PLBD1: variants seen among roughly 807,000 people sequenced by gnomAD.
The protein encoded by PLBD1 is lysosomal leucine aminopeptidase.
PLBD1 carries 60 observed loss-of-function variants against 63.0 expected under a neutral mutation model. That is an observed-to-expected ratio of 0.95 (90% confidence interval 0.77 to 1.18). The LOEUF is 1.18. Ranked by LOEUF, PLBD1 falls within the 50% of genes most tolerant of loss-of-function variation. The pLI is 0.00. For synonymous variants in PLBD1, 262 were observed against 248.0 expected, an observed-to-expected ratio of 1.06 and a Z score of -0.53; for missense variants, 598 against 677.9, an observed-to-expected ratio of 0.88 and a Z score of 1.31.
intron 4 of PLBD1, among the ~76,000 whole-genome samples, chr12:14,539,994 T>C (rs1334483417): frequency 2.6e-5 from 3 of 113,422 alleles, no homozygotes; most frequent in Non-Finnish European, 5.3e-5. Flanking sequence ...AGACAAAAAG[T>C]TCAAAGAAAA....
At chr12:14,510,693 T>A (rs1945291208) in intron 8 of PLBD1, among the ~76,000 whole-genome samples, 1 of 152,208 alleles carries the variant, frequency 6.6e-6, no homozygotes, top group South Asian at 2.1e-4. Flanking sequence ...ATCAAGGCAG[T>A]GAGCCTCCTG....
chr12:14,511,174 C>A, intron 8 of PLBD1, 86 bp downstream of exon 8: 2 of 1,219,848 alleles, frequency 1.6e-6, no homozygotes, highest in Admixed American at 2.4e-5. Context: ...TCCCCCACCA[C>A]ACATTCACAC....
chr12:14,567,697 C>G lies in PLBD1; in HGVS notation c.-1G>C. On this transcript the variant is annotated 5_prime_UTR_variant, in exon 1 of 11. Coordinates refer to ENST00000240617, the MANE Select transcript of PLBD1 (RefSeq NM_024829.6). ...GCCCGCCCGGACCGCCGCGGGTCATCGCTCCACGGCCGCGACCTTCCTCTG... is the reference window on the plus strand; with the variant it reads ...GCCCGCCCGGACCGCCGCGGGTCATGGCTCCACGGCCGCGACCTTCCTCTG... 1 of 1,436,958 alleles carries G rather than the reference C, an allele frequency of 7.0e-7. No individual in the cohort carries two copies. Among genetic ancestry groups the G allele is most frequent in the Non-Finnish European group, 9.0e-7 (1 of 1,108,528 alleles). The allele number at this position is 1,436,958 out of a possible 1,614,324, so 89.0% of individuals were successfully genotyped here.
rs1344617342 is a variant in PLBD1, at chr12:14,567,874, T to G, written c.-178A>C. 2.3e-6 allele frequency: 2 copies of G among 865,668 alleles called. No homozygotes were observed. Among genetic ancestry groups the G allele is most frequent in the Admixed American group, 4.3e-5 (1 of 23,404 alleles). The allele number at this position is 865,668 out of a possible 1,614,324, so 53.6% of individuals were successfully genotyped here. A position where few individuals can be genotyped will look rare whatever the true frequency, so the allele number is the denominator to read the frequency against. On this transcript the variant is annotated 5_prime_UTR_variant, in exon 1 of 11. Coordinates refer to ENST00000240617, the MANE Select transcript of PLBD1 (RefSeq NM_024829.6). ...TCCGGGCTCTGAGGGGCGAGGACGC[T>G]TCACGTGGTGGCCTGGGGCCCACCC...
In PLBD1 at chr12:14,567,616, C is replaced by T; in HGVS notation, c.81G>A (p.Leu27=). The change falls in exon 1 of 11, where the codon CTG becomes CTA. Residue 27 remains leucine (L), a synonymous_variant. Transcript: ENST00000240617. ...PLLLLLLLLP[L]LLVTAEPPKP... is the part of the protein sequence containing the mutation. ...TCGGCGGCTCCGCGGTGACTAACAA[C>T]AGCGGCAGCAGCAGCAGCAGCAGCA... The T allele has an allele frequency of 1.4e-6, 2 of 1,442,874 alleles. No individual in the cohort carries two copies. The highest frequency in any genetic ancestry group is 1.8e-6 in the Non-Finnish European group (2 of 1,106,182). The allele number at this position is 1,442,874 out of a possible 1,614,324, so 89.4% of individuals were successfully genotyped here.
At chr12:14,547,695 T>G (rs934063883) in intron 2 of PLBD1, among the ~76,000 whole-genome samples, 3 of 148,946 alleles carry the variant, frequency 2.0e-5, no homozygotes, top group Non-Finnish European at 4.4e-5. Context: ...CAAAAAGACA[T>G]GTGCACACCC....
intron 1 of PLBD1, among the ~76,000 whole-genome samples, chr12:14,562,495 T>C (rs1190149583): frequency 3.4e-5 from 5 of 147,576 alleles, no homozygotes; most frequent in East Asian, 2.0e-4. Flanking sequence ...TAACTGAACA[T>C]GATTATGTTA....
intron 1 of PLBD1, chr12:14,553,699 G>A (rs1945678734): frequency 4.2e-6 from 2 of 479,122 alleles, no homozygotes; most frequent in Non-Finnish European, 7.6e-6. Flanking sequence ...TGGGAATCTG[G>A]GCAGGGCTGG....
At chr12:14,542,775 C>T (rs936846135) in intron 2 of PLBD1, among the ~76,000 whole-genome samples, 2 of 152,146 alleles carry the variant, frequency 1.3e-5, no homozygotes, top group Non-Finnish European at 2.9e-5. Context: ...TGGCTGGGCA[C>T]GGTGGCTCAT....
At chr12:14,510,582 G>T (rs375990122) in intron 8 of PLBD1, among the ~76,000 whole-genome samples, 4 of 152,262 alleles carry the variant, frequency 2.6e-5, no homozygotes, top group South Asian at 2.1e-4. Flanking sequence ...TTACAAATAC[G>T]TGGTTGTGGA....
intron 2 of PLBD1, among the ~76,000 whole-genome samples, chr12:14,547,216 G>GTGTGTT (rs2136927947): frequency 6.7e-6 from 1 of 149,418 alleles, no homozygotes; most frequent in South Asian, 2.1e-4. Context: ...GTGTGTGTGT[G>GTGTGTT]TGTGTGTAGA....
intron 1 of PLBD1, among the ~76,000 whole-genome samples, chr12:14,555,259 T>G (rs1331790776): frequency 6.6e-6 from 1 of 152,206 alleles, no homozygotes; most frequent in Non-Finnish European, 1.5e-5. Context: ...GTTCTGCTGC[T>G]GGGAGCAGTG....
chr12:14,562,375 G>T (rs1191166125), intron 1 of PLBD1, among the ~76,000 whole-genome samples: 2 of 149,654 alleles, frequency 1.3e-5, no homozygotes, highest in Non-Finnish European at 3.0e-5. Flanking sequence ...TAGGAGGATC[G>T]CTGGAACCCA....
intron 1 of PLBD1, among the ~76,000 whole-genome samples, chr12:14,556,924 C>A (rs1287127286): frequency 2.2e-5 from 3 of 136,580 alleles, no homozygotes; most frequent in Non-Finnish European, 4.5e-5. Context: ...GCGGAGGTTG[C>A]AGTGAGCCGA....
chr12:14,511,430 C>T (rs753704006), intron 7 of PLBD1, 30 bp from the exon 8 acceptor site: 4 of 1,613,372 alleles, frequency 2.5e-6, no homozygotes, highest in Non-Finnish European at 3.4e-6. Flanking sequence ...GAAGACGGGG[C>T]ATGGGTATGA....
At chr12:14,513,785 T>C (rs1010558012) in intron 6 of PLBD1, among the ~76,000 whole-genome samples, 2 of 151,828 alleles carry the variant, frequency 1.3e-5, no homozygotes, top group Non-Finnish European at 2.9e-5. Context: ...TCTTAGTTTT[T>C]TTTTTTTTTT....
At chr12:14,514,271 T>C (rs1202047153) in intron 6 of PLBD1, among the ~76,000 whole-genome samples, 2 of 152,178 alleles carry the variant, frequency 1.3e-5, no homozygotes, top group African/African-American at 2.4e-5. Flanking sequence ...TAAAATGGAT[T>C]GCATTCGTGT....
At chr12:14,557,100 C>G (rs1029739087) in intron 1 of PLBD1, among the ~76,000 whole-genome samples, 1 of 150,168 alleles carries the variant, frequency 6.7e-6, no homozygotes, top group Non-Finnish European at 1.5e-5. Flanking sequence ...TAGCAAAATG[C>G]AAATCAAAAC....
rs577569498 is a variant in PLBD1 at position 14,543,542 on chromosome 12, C to A, written c.336-1251G>T. On this transcript the variant is annotated intron_variant, in intron 2 of 10. Coordinates refer to ENST00000240617, the MANE Select transcript of PLBD1 (RefSeq NM_024829.6). ...GAACAGCCTGGCCAACATGGTGAAACCCCGTCTCTACTAAAAATACACACA... is the reference window on the plus strand; with the variant it reads ...GAACAGCCTGGCCAACATGGTGAAAACCCGTCTCTACTAAAAATACACACA... Among the ~76,000 whole-genome samples the A allele has an allele frequency of 2.0e-5, 3 of 152,178 alleles. No individual in the cohort carries two copies. In the East Asian group the frequency reaches 5.8e-4, roughly 29 times the overall value.
Sources: gnomAD v4.1 joint callset for allele counts (sites outside exome capture counted in the v4.1 genomes callset) on GRCh38, gnomAD v4.1.1 for gene constraint, MANE v1.5 for transcripts, NCBI Gene and HGNC (gene_info 2026-07-23, HGNC 2026-07-21) for gene names.